Variants in MLLT10 observed in about 807,000 individuals in gnomAD.
MLLT10 encodes the protein protein AF-10.
A neutral mutation model predicts 129.1 loss-of-function variants in MLLT10; 30 were observed. The observed-to-expected ratio is 0.23, with a 90% CI of 0.17 to 0.32. The LOEUF (loss-of-function observed/expected upper bound fraction) is 0.32. Ranked by LOEUF, MLLT10 falls within the 10% of genes least tolerant of loss-of-function variation. The pLI, the probability that MLLT10 is intolerant of heterozygous loss-of-function variation, is 1.00. For synonymous variants in MLLT10, 490 were observed against 446.4 expected, an observed-to-expected ratio of 1.10 and a Z score of -1.23; for missense variants, 1,119 against 1,268.3, an observed-to-expected ratio of 0.88 and a Z score of 1.79.
At chr10:21,535,240 C>A (rs954279688) in intron 2 of MLLT10, among the ~76,000 whole-genome samples, 2 of 152,122 alleles carry the variant, frequency 1.3e-5, no homozygotes, top group Admixed American at 1.3e-4. Flanking sequence ...GCCTGTCTGC[C>A]GCAGTGTTTG....
At chr10:21,722,363 A>T (rs1259431481) in intron 14 of MLLT10, among the ~76,000 whole-genome samples, 1 of 152,252 alleles carries the variant, frequency 6.6e-6, no homozygotes, top group African/African-American at 2.4e-5. Context: ...TTTGTACCAG[A>T]TCTTCTGAAA....
chr10:21,630,071 A>G (rs2046857986), intron 8 of MLLT10, among the ~76,000 whole-genome samples: 1 of 152,240 alleles, frequency 6.6e-6, no homozygotes, highest in Admixed American at 6.5e-5. Flanking sequence ...GAAGAGAAGC[A>G]TGTAGGTGAA....
intron 21 of MLLT10, among the ~76,000 whole-genome samples, chr10:21,737,444 T>C (rs1383573145): frequency 1.3e-5 from 2 of 151,958 alleles, no homozygotes; most frequent in Non-Finnish European, 2.9e-5. Context: ...ATTGCTGGGA[T>C]AGGAGAGAAG....
At chr10:21,625,364 T>C (rs1440265717) in intron 8 of MLLT10, 7 of 770,692 alleles carry the variant, frequency 9.1e-6, no homozygotes, top group African/African-American at 1.7e-5. Flanking sequence ...ATTTACTCTT[T>C]GGAGTTCTCC....
At chr10:21,542,556 G>T (rs1419779289) in intron 3 of MLLT10, among the ~76,000 whole-genome samples, 3 of 152,166 alleles carry the variant, frequency 2.0e-5, no homozygotes, top group Admixed American at 2.0e-4. Context: ...GGCAATGAGT[G>T]AAACTCTGTC....
At chr10:21,645,475 T>C (rs2131305255) in intron 8 of MLLT10, among the ~76,000 whole-genome samples, 1 of 152,348 alleles carries the variant, frequency 6.6e-6, no homozygotes, top group South Asian at 2.1e-4. Context: ...TTTGTTCTAT[T>C]TCAGTGTAAA....
In MLLT10 at chr10:21,651,672, G is replaced by C; in HGVS notation, c.700-1G>C. On this transcript the variant is annotated splice_acceptor_variant, in intron 8 of 22. Coordinates refer to ENST00000307729, the MANE Select transcript of MLLT10 (RefSeq NM_001195626.3). LOFTEE classifies it high-confidence loss of function. The stretch of plus-strand genomic sequence containing the variant: ...TGGATTTTACTTATATTCGTTTTTA[G>C]AAATATAAAGAGAAGGACAAACACA... 2.5e-6 allele frequency: 4 copies of C among 1,608,312 alleles called. No individual in the cohort carries two copies. Among genetic ancestry groups the C allele is most frequent in the Non-Finnish European group, 3.4e-6 (4 of 1,176,320 alleles).
chr10:21,714,405 A>G (rs920886698), intron 14 of MLLT10, among the ~76,000 whole-genome samples: 1 of 152,228 alleles, frequency 6.6e-6, no homozygotes, highest in African/African-American at 2.4e-5. Flanking sequence ...TTCAAGCACT[A>G]CACATTTTTC....
intron 9 of MLLT10, among the ~76,000 whole-genome samples, chr10:21,663,523 T>G (rs760827089): frequency 6.6e-6 from 1 of 151,662 alleles, no homozygotes; most frequent in Non-Finnish European, 1.5e-5. Context: ...ATTACAGGCA[T>G]GTGCCACCAT....
At chr10:21,634,980 G>A (rs2131276598) in intron 8 of MLLT10, among the ~76,000 whole-genome samples, 1 of 152,288 alleles carries the variant, frequency 6.6e-6, no homozygotes, top group South Asian at 2.1e-4. Context: ...CCTTGAATCA[G>A]CTCATTTTCT....
chr10:21,689,905 T>C (rs914679180), intron 13 of MLLT10, among the ~76,000 whole-genome samples: 5 of 151,802 alleles, frequency 3.3e-5, no homozygotes, highest in African/African-American at 1.2e-4. Context: ...ATTGATGGCC[T>C]GAATGAGGAT....
chr10:21,703,525 C>G (rs916375303), intron 13 of MLLT10, among the ~76,000 whole-genome samples: 3 of 152,114 alleles, frequency 2.0e-5, no homozygotes, highest in African/African-American at 7.2e-5. Context: ...ATCTGGATGT[C>G]TGTATCTCTT....
At chr10:21,705,985 C>A (rs1936038604) in intron 13 of MLLT10, among the ~76,000 whole-genome samples, 1 of 152,180 alleles carries the variant, frequency 6.6e-6, no homozygotes, top group Admixed American at 6.5e-5. Context: ...CTGTTCTTTC[C>A]CTGCATTAGG....
intron 13 of MLLT10, among the ~76,000 whole-genome samples, chr10:21,684,604 C>T (rs1258432673): frequency 6.6e-6 from 1 of 152,168 alleles, no homozygotes; most frequent in African/African-American, 2.4e-5. Context: ...TGAACTGTTT[C>T]AGCAAACTCC....
intron 13 of MLLT10, among the ~76,000 whole-genome samples, chr10:21,712,924 T>C (rs2056233634): frequency 6.6e-6 from 1 of 152,242 alleles, no homozygotes; most frequent in Non-Finnish European, 1.5e-5. Context: ...ATAAGCACTT[T>C]TAAAAAATTA....
chr10:21,589,326 T>G (rs1241363990), intron 4 of MLLT10, among the ~76,000 whole-genome samples: 5 of 146,046 alleles, frequency 3.4e-5, no homozygotes, highest in African/African-American at 1.0e-4. Flanking sequence ...ATTCCAAAGT[T>G]TTTTTTTTTT....
In MLLT10 at chr10:21,729,939, A is replaced by C. The variant is rs1409699263; in HGVS notation, c.2064-961A>C. On this transcript the variant is annotated intron_variant, in intron 16 of 22. Transcript: ENST00000307729. ...ATCATTTGAAGTATAGATCTAAGAC[A>C]TTTTAGAAATATTCATGTAAAAGGA... Among the ~76,000 whole-genome samples, 3 of 152,280 alleles carry C rather than the reference A, an allele frequency of 2.0e-5. No individual in the cohort carries two copies. In the East Asian group the frequency reaches 5.8e-4, roughly 29 times the overall value.
intron 3 of MLLT10, among the ~76,000 whole-genome samples, chr10:21,556,190 G>A (rs2037931211): frequency 6.6e-6 from 1 of 152,032 alleles, no homozygotes; most frequent in Non-Finnish European, 1.5e-5. Flanking sequence ...TGGCCAGGCT[G>A]GTCTCAGGGT....
chr10:21,673,354 T>G lies in MLLT10; in HGVS notation c.1056T>G (p.Ser352Arg), dbSNP rs369159177. 7.7e-7 allele frequency: 1 copy of G among 1,303,512 alleles called. No individual in the cohort carries two copies. The highest frequency in any genetic ancestry group is 9.9e-7 in the Non-Finnish European group (1 of 1,005,206). The allele number at this position is 1,303,512 out of a possible 1,614,324, so 80.7% of individuals were successfully genotyped here. A position where few individuals can be genotyped will look rare whatever the true frequency, so the allele number is the denominator to read the frequency against. The stretch of plus-strand genomic sequence containing the variant: ...TTTTTTTTTTTTAAACTACAGGCAG[T>G]TTTTCAGGAACTCCAGGCAGTGTAA... ...VSAASPFPQG[S>R]FSGTPGSVKS... The change falls in exon 11 of 23, where the codon AGT becomes AGG. Residue 352 changes from serine (S) to arginine (R), a missense_variant. Physicochemically the swap from Ser to Arg is moderately radical, Grantham distance 110 (BLOSUM62 -1). Transcript: ENST00000307729.
Sources: gnomAD v4.1 joint callset for allele counts (sites outside exome capture counted in the v4.1 genomes callset) on GRCh38, gnomAD v4.1.1 for gene constraint, MANE v1.5 for transcripts, NCBI Gene and HGNC (gene_info 2026-07-23, HGNC 2026-07-21) for gene names.